NDUFAF2: variants seen among roughly 807,000 people sequenced by gnomAD.
NDUFAF2 encodes NADH:ubiquinone oxidoreductase complex assembly factor 2.
NDUFAF2 carries 13 observed loss-of-function variants against 22.8 expected under a neutral mutation model. That is an observed-to-expected ratio of 0.57 (90% CI 0.37 to 0.91). NDUFAF2 has a LOEUF of 0.91. Among genes scored for constraint, NDUFAF2 ranks in the 40% least tolerant of loss-of-function variants. The pLI is 0.01. For missense variants in NDUFAF2, 162 were observed against 195.2 expected (o/e 0.83, Z 1.01); for synonymous variants, 53 against 64.2 (o/e 0.83, Z 0.84).
At chr5:61,104,797 A>G (rs1045997250) in intron 3 of NDUFAF2, among the ~76,000 whole-genome samples, 3 of 152,128 alleles carry the variant, frequency 2.0e-5, no homozygotes, top group African/African-American at 7.2e-5. Context: ...TGCTTGGTAA[A>G]TATGACATTG....
intron 3 of NDUFAF2, among the ~76,000 whole-genome samples, chr5:61,119,874 T>TATTTTATATTAA (rs1752955539): frequency 6.6e-6 from 1 of 152,186 alleles, no homozygotes; most frequent in Non-Finnish European, 1.5e-5. Context: ...TATTTTCCTT[T>TATTTTATATTAA]ATTTTATTAA....
At chr5:61,108,536 G>C (rs892508738) in intron 3 of NDUFAF2, among the ~76,000 whole-genome samples, 2 of 151,302 alleles carry the variant, frequency 1.3e-5, no homozygotes, top group Non-Finnish European at 1.5e-5. Context: ...AGAAATCTTT[G>C]CTCAGTCCAG....
chr5:61,030,114 G>A (rs942197328), intron 1 of NDUFAF2, among the ~76,000 whole-genome samples: 2 of 152,144 alleles, frequency 1.3e-5, no homozygotes, highest in African/African-American at 4.8e-5. Flanking sequence ...TGTCACAAGT[G>A]CAGATTTACC....
chr5:61,013,114 A>G (rs1420719333), intron 1 of NDUFAF2, among the ~76,000 whole-genome samples: 7 of 152,242 alleles, frequency 4.6e-5, no homozygotes, highest in Admixed American at 2.6e-4. Context: ...TCACATAAAC[A>G]AATAAAAATG....
At chr5:61,049,419 A>G (rs961019885) in intron 1 of NDUFAF2, among the ~76,000 whole-genome samples, 2 of 152,194 alleles carry the variant, frequency 1.3e-5, no homozygotes, top group African/African-American at 4.8e-5. Flanking sequence ...CAAAATCTGT[A>G]GTTTGTGAAT....
chr5:61,114,307 T>C (rs1752880496), intron 3 of NDUFAF2: 1 of 152,186 alleles, frequency 6.6e-6, no homozygotes, highest in Non-Finnish European at 1.5e-5. Context: ...TCATTTCTGC[T>C]GTTAAGAGAC....
intron 1 of NDUFAF2, among the ~76,000 whole-genome samples, chr5:61,045,687 A>G (rs1751945255): frequency 1.6e-5 from 1 of 62,018 alleles, no homozygotes; most frequent in Admixed American, 1.9e-4. Flanking sequence ...GTATCCCACA[A>G]CTTTACTGAA....
At chr5:61,078,819 T>A (rs1467596107) in intron 2 of NDUFAF2, among the ~76,000 whole-genome samples, 2 of 152,200 alleles carry the variant, frequency 1.3e-5, no homozygotes, top group Non-Finnish European at 2.9e-5. Flanking sequence ...CTGGGCAATG[T>A]TATAAAGTTT....
At chr5:61,128,699 C>G (rs1327160698) in intron 3 of NDUFAF2, among the ~76,000 whole-genome samples, 1 of 151,986 alleles carries the variant, frequency 6.6e-6, no homozygotes, top group African/African-American at 2.4e-5. Flanking sequence ...AAAAACCCTA[C>G]AAGAAAACCT....
chr5:61,131,858 T>C (rs527478430), intron 3 of NDUFAF2, among the ~76,000 whole-genome samples: 76 of 148,618 alleles, frequency 5.1e-4, no homozygotes, highest in Non-Finnish European at 9.8e-4. Flanking sequence ...GATATGAAAT[T>C]ATGAGATATT....
At chr5:61,085,551 C>A (rs1029485360) in intron 2 of NDUFAF2, among the ~76,000 whole-genome samples, 2 of 151,812 alleles carry the variant, frequency 1.3e-5, no homozygotes, top group Non-Finnish European at 2.9e-5. Flanking sequence ...CTTGTCAATG[C>A]AATAAAGCAA....
chr5:60,996,538 G>A (rs982084905), intron 1 of NDUFAF2, among the ~76,000 whole-genome samples: 4 of 152,060 alleles, frequency 2.6e-5, no homozygotes, highest in African/African-American at 9.7e-5. Flanking sequence ...ACACTCCCTT[G>A]GCAGCCCCAC....
chr5:61,082,348 T>C (rs183604303), intron 2 of NDUFAF2, among the ~76,000 whole-genome samples: 54 of 152,320 alleles, frequency 3.5e-4, no homozygotes, highest in African/African-American at 1.2e-3. Flanking sequence ...TCCTCCTGCC[T>C]CAGCCTCTTA....
chr5:61,083,780 A>C (rs975432661), intron 2 of NDUFAF2, among the ~76,000 whole-genome samples: 4 of 151,672 alleles, frequency 2.6e-5, no homozygotes, highest in African/African-American at 9.7e-5. Flanking sequence ...TTTTAATTTC[A>C]AATTATTCAT....
chr5:60,986,346 A>G (rs939892332), intron 1 of NDUFAF2, among the ~76,000 whole-genome samples: 4 of 152,142 alleles, frequency 2.6e-5, no homozygotes, highest in Non-Finnish European at 4.4e-5. Context: ...TTATATGGCA[A>G]TTAAACATGC....
At chr5:60,959,843 T>C (rs1249786331) in intron 1 of NDUFAF2, among the ~76,000 whole-genome samples, 1 of 152,146 alleles carries the variant, frequency 6.6e-6, no homozygotes, top group Non-Finnish European at 1.5e-5. Flanking sequence ...TTTCAAATAC[T>C]TACTGAATTC....
At position 60,945,323 on chromosome 5, in the gene NDUFAF2, T is replaced by G; in HGVS notation, c.68T>G (p.Val23Gly). The change falls in exon 1 of 4, where the codon GTG becomes GGG. Residue 23 changes from valine to glycine, a missense_variant. Physicochemically the swap from Val to Gly is moderately radical, Grantham distance 109. This residue lies in a region of NDUFAF2 where 94 missense variants were observed against 85.2 expected (regional missense o/e 1.10). Coordinates refer to ENST00000296597, the MANE Select transcript of NDUFAF2 (RefSeq NM_174889.5). ...CTGTCAAGGGAAGTGAAGGAGCACG[T>G]GGGCACGGACCAATTCGGGAACAAA... ...RSLSREVKEH[V>G]GTDQFGNKYY... 1 of 1,614,078 alleles carries G rather than the reference T, an allele frequency of 6.2e-7. No homozygotes were observed. Among genetic ancestry groups the G allele is most frequent in the Non-Finnish European group, 8.5e-7 (1 of 1,180,002 alleles).
chr5:61,039,236 C>T (rs961201877), intron 1 of NDUFAF2, among the ~76,000 whole-genome samples: 4 of 150,444 alleles, frequency 2.7e-5, no homozygotes, highest in Non-Finnish European at 4.4e-5. Context: ...CATTTGTACT[C>T]GCATTATTTA....
chr5:60,985,966 A>G (rs1313571977), intron 1 of NDUFAF2, among the ~76,000 whole-genome samples: 1 of 152,178 alleles, frequency 6.6e-6, no homozygotes, highest in South Asian at 2.1e-4. Flanking sequence ...ATTCCAGCTA[A>G]ATGGCTTGTG....
Sources: allele counts gnomAD v4.1 joint callset (sites outside exome capture counted in the v4.1 genomes callset), GRCh38; gene constraint gnomAD v4.1.1; regional missense constraint gnomAD v4.1.1; transcripts MANE v1.5; gene names NCBI Gene and HGNC (gene_info 2026-07-23, HGNC 2026-07-21).